NPY2R: variants seen among roughly 807,000 people sequenced by gnomAD.
The protein encoded by NPY2R is neuropeptide Y receptor Y2, also known as neuropeptide Y receptor type 2.
NPY2R carries 17 observed loss-of-function variants against 22.3 expected under a neutral mutation model. That is an observed-to-expected ratio of 0.76 (90% CI 0.52 to 1.14). The LOEUF (loss-of-function observed/expected upper bound fraction) is 1.14. Ranked by LOEUF, NPY2R falls within the 50% of genes most tolerant of loss-of-function variation. The pLI, the probability that NPY2R is intolerant of heterozygous loss-of-function variation, is 0.00. For missense variants in NPY2R, 424 were observed against 467.9 expected (o/e 0.91, Z 0.87); for synonymous variants, 209 against 183.4 (o/e 1.14, Z -1.13).
At chr4:155,186,430 G>A in the NPY2R span, among the ~76,000 whole-genome samples, 2 of 152,080 alleles carry the variant, frequency 1.3e-5, no homozygotes, top group Non-Finnish European at 2.9e-5. Context: ...CCATATAGCT[G>A]TGTTCATTTT....
upstream of NPY2R, among the ~76,000 whole-genome samples, chr4:155,205,813 C>G (rs1230229745): frequency 7.1e-6 from 1 of 140,964 alleles, no homozygotes; most frequent in Non-Finnish European, 1.5e-5. Context: ...TGCTATCTAT[C>G]TATCTATCTA....
chr4:155,184,323 G>A, the NPY2R span, among the ~76,000 whole-genome samples: 1 of 152,130 alleles, frequency 6.6e-6, no homozygotes, highest in African/African-American at 2.4e-5. Flanking sequence ...AAAATCCAAA[G>A]TTAATCTTTG....
At chr4:155,190,767 G>A in the NPY2R span, among the ~76,000 whole-genome samples, 1 of 151,846 alleles carries the variant, frequency 6.6e-6, no homozygotes, top group African/African-American at 2.4e-5. Flanking sequence ...TAACGTATGA[G>A]GTTATGTCTA....
At chr4:155,199,276 A>G in the NPY2R span, among the ~76,000 whole-genome samples, 2 of 152,186 alleles carry the variant, frequency 1.3e-5, no homozygotes, top group Admixed American at 6.6e-5. Context: ...AACATCTAAA[A>G]TAGAGTATAA....
In NPY2R at chr4:155,216,664, G is replaced by T. The variant is rs1046723487; in HGVS notation, c.*1579G>T. The T allele has an allele frequency of 3.0e-5, 5 of 166,912 alleles. No homozygotes were observed. Among genetic ancestry groups the T allele is most frequent in the Non-Finnish European group, 7.3e-5 (5 of 68,058 alleles). 10.3% of individuals were successfully genotyped at this position (166,912 alleles called of 1,614,324 possible). A position where few individuals can be genotyped will look rare whatever the true frequency, so the allele number is the denominator to read the frequency against. The stretch of plus-strand genomic sequence containing the variant: ...AGATATAAAGGACTGGTTTTTAAGT[G>T]CACTGCACTTCTGGAATACTGAAAA... On this transcript the variant is annotated 3_prime_UTR_variant, in exon 2 of 2. Transcript: ENST00000329476.
In NPY2R at chr4:155,216,936, T is replaced by A. The variant is rs1237619315; in HGVS notation, c.*1851T>A. On this transcript the variant is annotated 3_prime_UTR_variant, in exon 2 of 2. Transcript: ENST00000329476. Reference sequence around the variant, plus strand: ...GTAAGAAATGTATATGCTACTGTGTTACATGTTGTATTAGTAAATTATTAG... The same window carrying A: ...GTAAGAAATGTATATGCTACTGTGTAACATGTTGTATTAGTAAATTATTAG... 6.0e-6 allele frequency: 1 copy of A among 167,104 alleles called. No homozygotes were observed. The highest frequency in any genetic ancestry group is 1.5e-5 in the Non-Finnish European group (1 of 68,118). 10.4% of individuals were successfully genotyped at this position (167,104 alleles called of 1,614,324 possible).
the NPY2R span, among the ~76,000 whole-genome samples, chr4:155,184,603 T>TA: frequency 1.3e-5 from 2 of 152,142 alleles, no homozygotes; most frequent in Non-Finnish European, 2.9e-5. Context: ...CCCTGAGCCA[T>TA]AAAAAAGGTC....
chr4:155,199,270 T>C, the NPY2R span, among the ~76,000 whole-genome samples: 2 of 151,712 alleles, frequency 1.3e-5, no homozygotes, highest in Admixed American at 1.3e-4. Flanking sequence ...ACAAACAACA[T>C]CTAAAATAGA....
In NPY2R at chr4:155,209,074, G is replaced by A. The variant is rs1449182558; in HGVS notation, c.-49+5G>A. ...AAAAACGCGAGGTCCAGGTCAGTAA[G>A]TGTAATTCCTAACTCTGATCACCTC... On this transcript the variant is annotated splice_donor_5th_base_variant and intron_variant, in intron 1 of 1. Transcript: ENST00000329476. 6.6e-6 allele frequency: 1 copy of A among 152,278 alleles called. No homozygotes were observed. Among genetic ancestry groups the A allele is most frequent in the Non-Finnish European group, 1.5e-5 (1 of 68,090 alleles). 9.4% of individuals were successfully genotyped at this position (152,278 alleles called of 1,614,324 possible).
the NPY2R span, among the ~76,000 whole-genome samples, chr4:155,179,923 T>C: frequency 6.6e-6 from 1 of 152,158 alleles, no homozygotes; most frequent in East Asian, 1.9e-4. Context: ...GATCATAGTA[T>C]TCATTTCAGT....
chr4:155,179,380 T>A, the NPY2R span, among the ~76,000 whole-genome samples: 3 of 152,186 alleles, frequency 2.0e-5, no homozygotes, highest in Admixed American at 1.3e-4. Flanking sequence ...TAAGTGGTGT[T>A]GAAATTTTTT....
chr4:155,200,512 C>T, the NPY2R span, among the ~76,000 whole-genome samples: 51 of 152,166 alleles, frequency 3.4e-4, no homozygotes, highest in African/African-American at 1.2e-3. Context: ...GGTATATACT[C>T]AAAGGAATAT....
the NPY2R span, among the ~76,000 whole-genome samples, chr4:155,178,030 T>A: frequency 6.6e-6 from 1 of 152,282 alleles, no homozygotes; most frequent in East Asian, 1.9e-4. Flanking sequence ...CAGTCTAATT[T>A]TAGTTATAAG....
At position 155,216,997 on chromosome 4, in the gene NPY2R, CCAATTCATTATGT is replaced by C. The variant is rs1385388380; in HGVS notation, c.*1923_*1935del. On this transcript the variant is annotated 3_prime_UTR_variant, in exon 2 of 2. Transcript: ENST00000329476. ...ATGATTCAATTAACATATATCTTATCCAATTCATTATGTCAATTCATTAATAAAATACCTTTTA... is the reference window on the plus strand; with the variant it reads ...ATGATTCAATTAACATATATCTTATCCAATTCATTAATAAAATACCTTTTA... The C allele has an allele frequency of 1.8e-5, 3 of 166,830 alleles. No individual in the cohort carries two copies. The highest frequency in any genetic ancestry group is 3.8e-4 in the East Asian group (2 of 5,202). The allele number at this position is 166,830 out of a possible 1,614,324, so 10.3% of individuals were successfully genotyped here.
chr4:155,190,618 A>G, the NPY2R span, among the ~76,000 whole-genome samples: 1 of 152,024 alleles, frequency 6.6e-6, no homozygotes, highest in East Asian at 1.9e-4. Flanking sequence ...TAATTTCTGT[A>G]CAAAATAGCA....
the NPY2R span, among the ~76,000 whole-genome samples, chr4:155,190,292 A>G: frequency 4.6e-5 from 7 of 152,170 alleles, no homozygotes; most frequent in Admixed American, 4.6e-4. Flanking sequence ...ACCTGTTTTC[A>G]AGTATTGCAT....
At chr4:155,180,759 A>T in the NPY2R span, among the ~76,000 whole-genome samples, 1 of 151,906 alleles carries the variant, frequency 6.6e-6, no homozygotes, top group Non-Finnish European at 1.5e-5. Context: ...CATGTTAGTA[A>T]CTGTCTATTT....
the NPY2R span, among the ~76,000 whole-genome samples, chr4:155,179,519 C>A: frequency 3.3e-5 from 5 of 152,108 alleles, no homozygotes; most frequent in Admixed American, 6.6e-5. Context: ...ATGATATGAG[C>A]AATTTAGGAT....
the NPY2R span, among the ~76,000 whole-genome samples, chr4:155,174,486 T>TATATATA: frequency 8.7e-5 from 6 of 68,674 alleles, no homozygotes; most frequent in African/African-American, 3.5e-4. Flanking sequence ...ATATATATAT[T>TATATATA]TTTTTTTTTA....
Sources: allele counts gnomAD v4.1 joint callset (sites outside exome capture counted in the v4.1 genomes callset), GRCh38; gene constraint gnomAD v4.1.1; transcripts MANE v1.5; gene names NCBI Gene and HGNC (gene_info 2026-07-23, HGNC 2026-07-21).